Variants in MGAT4C observed in about 807,000 individuals in gnomAD.
The protein encoded by MGAT4C is alpha-1,3-mannosyl-glycoprotein 4-beta-N-acetylglucosaminyltransferase C.
MGAT4C carries 19 observed loss-of-function variants against 40.1 expected under a neutral mutation model. The ratio of observed to expected loss-of-function variants is 0.47; its 90% CI spans 0.33 to 0.70. The LOEUF (loss-of-function observed/expected upper bound fraction) is 0.70. MGAT4C is among the 30% of genes least tolerant of loss of function. MGAT4C has a pLI of 0.02. For synonymous variants in MGAT4C, 181 were observed against 187.1 expected, an observed-to-expected ratio of 0.97 and a Z score of 0.27; for missense variants, 491 against 563.2, an observed-to-expected ratio of 0.87 and a Z score of 1.30.
chr12:86,481,328 T>C (rs1022616383), intron 2 of MGAT4C, among the ~76,000 whole-genome samples: 1 of 152,032 alleles, frequency 6.6e-6, no homozygotes, highest in Non-Finnish European at 1.5e-5. Context: ...AAGATTTTTT[T>C]AAAGTTACAA....
Position 86,483,287 on chromosome 12 carries a change from A to C in MGAT4C, c.-228-48022T>G, listed in dbSNP as rs1264150678. 2.0e-5 allele frequency among the ~76,000 whole-genome samples: 3 copies of C among 152,194 alleles called. No individual in the cohort carries two copies. The East Asian group carries it at 5.8e-4, about 29-fold the overall frequency. ...CATTAGGTGTCAACAAATGAATTTT[A>C]GGGAGACATAAACATTCAGTCTACA... is the stretch of plus-strand genomic sequence containing the variant. On this transcript the variant is annotated intron_variant, in intron 2 of 7. Transcript: ENST00000548651.
intron 2 of MGAT4C, among the ~76,000 whole-genome samples, chr12:86,449,236 G>A (rs1168594038): frequency 1.3e-5 from 2 of 152,038 alleles, no homozygotes; most frequent in Admixed American, 1.3e-4. Flanking sequence ...CTTATATACT[G>A]GAGTTTTTTA....
chr12:86,311,964 C>T (rs140096445), intron 4 of MGAT4C, among the ~76,000 whole-genome samples: 2 of 152,088 alleles, frequency 1.3e-5, no homozygotes, highest in African/African-American at 2.4e-5. Flanking sequence ...GCCCAAGGCA[C>T]CTATGAGGCC....
chr12:86,776,598 G>A (rs1951752621), intron 1 of MGAT4C, among the ~76,000 whole-genome samples: 1 of 151,930 alleles, frequency 6.6e-6, no homozygotes. Flanking sequence ...TGTATGGGCT[G>A]GTGGAGAATT....
chr12:86,399,833 T>G lies in MGAT4C; in HGVS notation c.-120+35324A>C, dbSNP rs538990547. On this transcript the variant is annotated intron_variant, in intron 3 of 7. Coordinates refer to the MGAT4C transcript ENST00000548651. ...CCTATATATAACTTCACCTGGCTGA[T>G]TATTTGTGTCCTTTAAAATATGCTT... Among the ~76,000 whole-genome samples, 47 of 152,272 alleles carry G rather than the reference T, an allele frequency of 3.1e-4. 1 individual carries two copies. In the South Asian group the frequency reaches 9.7e-3, roughly 32 times the overall value.
At chr12:86,496,642 T>C (rs1051268791) in intron 2 of MGAT4C, among the ~76,000 whole-genome samples, 3 of 152,018 alleles carry the variant, frequency 2.0e-5, no homozygotes, top group African/African-American at 7.2e-5. Context: ...TTTGAAAAAT[T>C]GTTAACAAAT....
At chr12:86,433,194 T>C (rs1957073890) in intron 3 of MGAT4C, among the ~76,000 whole-genome samples, 1 of 152,094 alleles carries the variant, frequency 6.6e-6, no homozygotes, top group East Asian at 1.9e-4. Context: ...AAAGCATGTG[T>C]ATGTATGTTA....
intron 2 of MGAT4C, among the ~76,000 whole-genome samples, chr12:86,543,720 C>T (rs1959179505): frequency 6.6e-6 from 1 of 151,622 alleles, no homozygotes; most frequent in Non-Finnish European, 1.5e-5. Flanking sequence ...TCCAATAATA[C>T]ATCAGTCAAC....
intron 2 of MGAT4C, among the ~76,000 whole-genome samples, chr12:86,704,536 T>G (rs1950422730): frequency 6.6e-6 from 1 of 152,136 alleles, no homozygotes; most frequent in Non-Finnish European, 1.5e-5. Flanking sequence ...ATCACTGTAT[T>G]AATAAATATC....
intron 2 of MGAT4C, among the ~76,000 whole-genome samples, chr12:86,654,752 G>A (rs1963798177): frequency 6.8e-6 from 1 of 147,070 alleles, no homozygotes; most frequent in African/African-American, 2.5e-5. Context: ...AGTTATATAT[G>A]AAAACTCTTT....
chr12:86,027,849 T>C (rs11836336), intron 2 of MGAT4C, among the ~76,000 whole-genome samples: 24,142 of 151,882 alleles, frequency 0.16, 2,269 homozygotes, highest in African/African-American at 0.27. Context: ...AAATTCATCA[T>C]TGAAATAACA....
chr12:86,447,229 A>C (rs962344644), intron 2 of MGAT4C, among the ~76,000 whole-genome samples: 1 of 152,042 alleles, frequency 6.6e-6, no homozygotes, highest in African/African-American at 2.4e-5. Flanking sequence ...AGGTTCCAGC[A>C]ATTCTCCTGC....
At chr12:86,828,720 TC>T (rs1359664255) in intron 1 of MGAT4C, among the ~76,000 whole-genome samples, 1 of 151,472 alleles carries the variant, frequency 6.6e-6, no homozygotes, top group African/African-American at 2.4e-5. Flanking sequence ...AGTATGATGA[TC>T]CTAAAAACAT....
intron 1 of MGAT4C, among the ~76,000 whole-genome samples, chr12:86,814,276 A>G (rs1378642046): frequency 2.0e-5 from 1 of 50,016 alleles, no homozygotes; most frequent in Non-Finnish European, 4.0e-5. Flanking sequence ...ACATATACGT[A>G]TATATATACA....
At chr12:86,047,233 G>A (rs73380019) in intron 2 of MGAT4C, among the ~76,000 whole-genome samples, 4,652 of 151,878 alleles carry the variant, frequency 0.031, 246 homozygotes, top group African/African-American at 0.11. Context: ...TTTTTTCTTC[G>A]TGACTGTCCG....
intron 3 of MGAT4C, among the ~76,000 whole-genome samples, chr12:86,381,951 T>C (rs1298827565): frequency 1.3e-5 from 2 of 152,224 alleles, no homozygotes; most frequent in Non-Finnish European, 2.9e-5. Context: ...TCTGCCATGG[T>C]TGTGAGGCCT....
At chr12:86,434,174 G>C (rs904405997) in intron 3 of MGAT4C, among the ~76,000 whole-genome samples, 4 of 151,916 alleles carry the variant, frequency 2.6e-5, no homozygotes, top group Admixed American at 1.3e-4. Context: ...AATAAAATCT[G>C]AATCATACAA....
intron 2 of MGAT4C, among the ~76,000 whole-genome samples, chr12:86,669,323 G>T (rs192849998): frequency 6.6e-6 from 1 of 151,182 alleles, no homozygotes; most frequent in African/African-American, 2.4e-5. Flanking sequence ...CCAGGTGCAG[G>T]GGGCCCTCTC....
At chr12:86,666,847 A>G (rs1964119996) in intron 2 of MGAT4C, among the ~76,000 whole-genome samples, 1 of 152,066 alleles carries the variant, frequency 6.6e-6, no homozygotes, top group South Asian at 2.1e-4. Flanking sequence ...ACATTTATCA[A>G]TCTAATAAGT....
Sources: gnomAD v4.1 joint callset for allele counts (sites outside exome capture counted in the v4.1 genomes callset) on GRCh38, gnomAD v4.1.1 for gene constraint, MANE v1.5 for transcripts, NCBI Gene and HGNC (gene_info 2026-07-23, HGNC 2026-07-21) for gene names.